BRD8: variants seen among roughly 807,000 people sequenced by gnomAD.
BRD8 encodes bromodomain containing 8, also known as bromodomain-containing protein 8.
Under a neutral mutation model 143.1 loss-of-function variants are expected in BRD8, and 67 were observed. That is an observed-to-expected ratio of 0.47 (90% CI 0.38 to 0.57). The LOEUF is 0.57. Ranked by LOEUF, BRD8 falls within the 20% of genes least tolerant of loss-of-function variation. The pLI is 0.00. For synonymous variants in BRD8, 505 were observed against 517.1 expected, an observed-to-expected ratio of 0.98 and a Z score of 0.32; for missense variants, 1,103 against 1,503.0, an observed-to-expected ratio of 0.73 and a Z score of 4.40.
Position 138,166,020 on chromosome 5 carries a change from C to G in BRD8, c.1086G>C (p.Met362Ile), listed in dbSNP as rs993242001. Residue 362 changes from methionine to isoleucine, a missense_variant, in exon 11 of 27, where the codon ATG becomes ATC. By Grantham distance (10) the Met-to-Ile change is conservative (BLOSUM62 1). Around this residue, in one of 7 missense-constraint regions of BRD8, gnomAD observed 334 missense variants for 372.5 expected, o/e 0.90. Coordinates refer to ENST00000254900, the MANE Select transcript of BRD8 (RefSeq NM_139199.2). ...TVSMDSSEIS[M>I]IINSIKEECF... ...ACTCTTCTTTGATAGAATTGATGAT[C>G]ATGGATATTTCACTGCTGTCCATGG... The G allele has an allele frequency of 6.2e-7, 1 of 1,614,054 alleles. No individual in the cohort carries two copies. The highest frequency in any genetic ancestry group is 1.3e-5 in the African/African-American group (1 of 74,922).
At chr5:138,178,534 A>G (rs1379697681) in intron 1 of BRD8, 62 bp downstream of exon 1, 1 of 1,503,170 alleles carries the variant, frequency 6.7e-7, no homozygotes, top group Non-Finnish European at 9.3e-7. Flanking sequence ...GTGTAACAAA[A>G]ATATGGTGCC....
At chr5:138,165,758 C>G (rs1753365570) in intron 11 of BRD8, 70 bp downstream of exon 11, 1 of 1,443,142 alleles carries the variant, frequency 6.9e-7, no homozygotes, top group Admixed American at 2.3e-5. Context: ...GCAGCAGCAC[C>G]AAAGTGAGGC....
chr5:138,171,091 A>G lies in BRD8; in HGVS notation c.306T>C (p.Ala102=), dbSNP rs761570282. The change falls in exon 5 of 27, where the codon GCT becomes GCC. Residue 102 remains alanine (A), a synonymous_variant. Transcript: ENST00000254900. ...VEDVIVRKLT[A]ERVEELKKVI... ...CTTTCTTTAGTTCTTCAACTCGCTC[A>G]GCAGTCAATTTCCGAACAATAACAT... The G allele has an allele frequency of 6.2e-7, 1 of 1,614,018 alleles. No individual in the cohort carries two copies. The highest frequency in any genetic ancestry group is 8.5e-7 in the Non-Finnish European group (1 of 1,179,946).
rs78219553 is a variant in BRD8, at chr5:138,157,273, T to C, written c.2577+2282A>G. Reference sequence around the variant, plus strand: ...CGTCCCCTGGTTCCTCCATCCTAGATGACAGGCAGAGAAAGAAAGGGAGCA... The same window carrying C: ...CGTCCCCTGGTTCCTCCATCCTAGACGACAGGCAGAGAAAGAAAGGGAGCA... On this transcript the variant is annotated intron_variant, in intron 20 of 26. Transcript: ENST00000254900. 2,486 of 1,613,536 alleles carry C rather than the reference T, an allele frequency of 1.5e-3. 70 individuals are homozygous for C. The East Asian group carries it at 0.052, about 34-fold the overall frequency.
At chr5:138,145,389 G>T in intron 24 of BRD8, 144 bp from the exon 25 acceptor site, 1 of 643,510 alleles carries the variant, frequency 1.6e-6, no homozygotes, top group Non-Finnish European at 2.7e-6. Flanking sequence ...GTTCCCTCTT[G>T]CCAGAGAGTT....
chr5:138,176,930 T>C (rs1051545880), intron 2 of BRD8, among the ~76,000 whole-genome samples: 2 of 149,788 alleles, frequency 1.3e-5, no homozygotes, highest in African/African-American at 2.5e-5. Flanking sequence ...TACAAAAAAA[T>C]AAAAAAAATT....
intron 2 of BRD8, chr5:138,172,574 C>T (rs1753959586): frequency 3.7e-6 from 1 of 267,260 alleles, no homozygotes; most frequent in Non-Finnish European, 6.7e-6. Flanking sequence ...GTGCAATGGA[C>T]CGTGCCTGTA....
chr5:138,151,188 T>C (rs546529292), intron 21 of BRD8, among the ~76,000 whole-genome samples, 180 bp from the exon 22 acceptor site: 11 of 152,338 alleles, frequency 7.2e-5, no homozygotes, highest in African/African-American at 2.4e-4. Context: ...ACTGGGCTGG[T>C]TGGTGGGGAC....
At chr5:138,149,547 T>TC (rs1752297472) in intron 23 of BRD8, 93 bp downstream of exon 23, 3 of 1,178,226 alleles carry the variant, frequency 2.5e-6, no homozygotes, top group Non-Finnish European at 3.4e-6. Flanking sequence ...ACTCTAATTT[T>TC]CTTTAACTTA....
rs772521178 is a variant in BRD8, at chr5:138,164,382, T to C, written c.1763A>G (p.His588Arg). ...AGGATCTTCAATGGGATTTGAGCCA[T>C]GTGATGGAGACAACATGCTTTCAGG... Reference protein sequence around the residue: ...ASPESMLSPSHGSNPIEDPLE... With the variant: ...ASPESMLSPSRGSNPIEDPLE... The change falls in exon 13 of 27, where the codon CAT becomes CGT. Residue 588 changes from histidine to arginine, a missense_variant. This residue lies in a region of BRD8 where 139 missense variants were observed against 139.0 expected (regional missense o/e 1.00). Transcript: ENST00000254900. 4.3e-6 allele frequency: 7 copies of C among 1,614,006 alleles called. No individual in the cohort carries two copies. The highest frequency in any genetic ancestry group is 1.6e-4 in the Middle Eastern group (1 of 6,082).
At chr5:138,144,013 G>A (rs1174213228) in intron 25 of BRD8, among the ~76,000 whole-genome samples, 4 of 152,176 alleles carry the variant, frequency 2.6e-5, no homozygotes, top group African/African-American at 9.7e-5. Flanking sequence ...CTCACTCTTT[G>A]GGTCCGCACT....
rs1751836290 is a variant in BRD8 at position 138,139,843 on chromosome 5, C to T, written c.*231G>A. 6.0e-6 allele frequency: 3 copies of T among 502,498 alleles called. No individual in the cohort carries two copies. The highest frequency in any genetic ancestry group is 7.5e-5 in the South Asian group (2 of 26,724). 31.1% of individuals were successfully genotyped at this position (502,498 alleles called of 1,614,324 possible). On this transcript the variant is annotated 3_prime_UTR_variant, in exon 27 of 27. Coordinates refer to ENST00000254900, the MANE Select transcript of BRD8 (RefSeq NM_139199.2). ...TAATGGAATTGTCTTTAAATCAAGC[C>T]GATGGAACAAAGATGTGGGCAACAT...
intron 23 of BRD8, 87 bp from the exon 24 acceptor site, chr5:138,145,965 G>C (rs899744291): frequency 1.9e-5 from 19 of 1,001,668 alleles, no homozygotes; most frequent in Middle Eastern, 2.7e-4. Context: ...GTTTTCTTAA[G>C]ACATGCTCCT....
chr5:138,153,069 G>A (rs1271239615), intron 20 of BRD8, among the ~76,000 whole-genome samples: 4 of 152,128 alleles, frequency 2.6e-5, no homozygotes, highest in African/African-American at 4.8e-5. Context: ...ACCAAAAGAA[G>A]GGAAAGAACT....
intron 20 of BRD8, among the ~76,000 whole-genome samples, chr5:138,156,497 C>G (rs1404388525): frequency 1.3e-5 from 2 of 152,124 alleles, no homozygotes; most frequent in Non-Finnish European, 2.9e-5. Context: ...TGGTAACACA[C>G]TATCCTAGAA....
Position 138,166,513 on chromosome 5 carries a change from C to A in BRD8, c.997+5G>T. 6.3e-7 allele frequency: 1 copy of A among 1,583,630 alleles called. No individual in the cohort carries two copies. On this transcript the variant is annotated splice_donor_5th_base_variant and intron_variant, in intron 10 of 26. Transcript: ENST00000254900. ...TTTAGATCTAGTGGCTGCTCAGGGA[C>A]GCACCTGGAGCTACACTTTCAGTAG...
At chr5:138,178,463 A>G in intron 1 of BRD8, 133 bp downstream of exon 1, 1 of 855,596 alleles carries the variant, frequency 1.2e-6, no homozygotes, top group East Asian at 2.4e-5. Flanking sequence ...ACGATGCTGT[A>G]GAGCGCAGGT....
At chr5:138,154,781 C>T (rs1015922126) in intron 20 of BRD8, among the ~76,000 whole-genome samples, 1 of 151,242 alleles carries the variant, frequency 6.6e-6, no homozygotes, top group Non-Finnish European at 1.5e-5. Flanking sequence ...AAGTGATATT[C>T]ATCTAATATT....
chr5:138,156,073 G>A (rs1368066792), intron 20 of BRD8, among the ~76,000 whole-genome samples: 1 of 149,580 alleles, frequency 6.7e-6, no homozygotes, highest in Non-Finnish European at 1.5e-5. Flanking sequence ...GTCTCACTTT[G>A]TTGTCCAGGC....
Sources: allele counts gnomAD v4.1 joint callset (sites outside exome capture counted in the v4.1 genomes callset), GRCh38; gene constraint gnomAD v4.1.1; regional missense constraint gnomAD v4.1.1; transcripts MANE v1.5; gene names NCBI Gene and HGNC (gene_info 2026-07-23, HGNC 2026-07-21).